MBP: variants seen among roughly 807,000 people sequenced by gnomAD.
MBP encodes the protein myelin basic protein.
In MBP, 16 loss-of-function variants were observed where a neutral mutation model predicts 35.8. That is an observed-to-expected ratio of 0.45 (90% confidence interval 0.30 to 0.68). The LOEUF is 0.68. MBP is among the 30% of genes least tolerant of loss of function. The probability of loss-of-function intolerance (pLI) is 0.08; values close to 1 mark genes in which losing one functional copy is unlikely to be tolerated. For missense variants in MBP, 380 were observed against 404.7 expected, an observed-to-expected ratio of 0.94 and a Z score of 0.52; for synonymous variants, 143 against 159.6, an observed-to-expected ratio of 0.90 and a Z score of 0.78.
Position 77,020,655 on chromosome 18 carries a change from G to A in MBP, c.140-3387C>T, listed in dbSNP as rs1265420682. Reference sequence around the variant, plus strand: ...CTTCCCAGGGCTTTACTCGGGGCTGGTCTCATAGGCTGCCTCGCTTGGTGC... The same window carrying A: ...CTTCCCAGGGCTTTACTCGGGGCTGATCTCATAGGCTGCCTCGCTTGGTGC... On this transcript the variant is annotated intron_variant, in intron 3 of 8. Transcript: ENST00000355994. The surrounding 1 kb of genome is among the most constrained non-coding windows in gnomAD (Gnocchi z 4.1). 2.0e-5 allele frequency among the ~76,000 whole-genome samples: 3 copies of A among 152,222 alleles called. No homozygotes were observed. The highest frequency in any genetic ancestry group is 1.9e-4 in the East Asian group (1 of 5,198).
intron 2 of MBP, among the ~76,000 whole-genome samples, chr18:77,080,391 C>A (rs1349429039): frequency 6.6e-6 from 1 of 152,240 alleles, no homozygotes; most frequent in African/African-American, 2.4e-5. Context: ...CACTGGGCTC[C>A]TCACCTGGGG....
intron 2 of MBP, among the ~76,000 whole-genome samples, chr18:77,096,060 C>G (rs1449619281): frequency 6.6e-6 from 1 of 152,214 alleles, no homozygotes; most frequent in Non-Finnish European, 1.5e-5. Flanking sequence ...AATACCCTGA[C>G]AATCTCTTGC....
At chr18:77,073,233 A>T (rs562332529) in intron 2 of MBP, among the ~76,000 whole-genome samples, 2 of 152,156 alleles carry the variant, frequency 1.3e-5, no homozygotes, top group South Asian at 2.1e-4. Context: ...TATATATATA[A>T]AAAGACTAGA....
intron 1 of MBP, among the ~76,000 whole-genome samples, chr18:77,118,668 T>C (rs867983033): frequency 1.4e-3 from 87 of 63,094 alleles, no homozygotes; most frequent in African/African-American, 3.4e-3. Flanking sequence ...ACACACTACA[T>C]ACCACACACA....
intron 1 of MBP, among the ~76,000 whole-genome samples, chr18:77,128,521 C>CCA (rs56770189): frequency 0.054 from 7,985 of 147,348 alleles, 227 homozygotes; most frequent in South Asian, 0.096. Flanking sequence ...CACGTGCATA[C>CCA]CACACACACA....
chr18:77,060,337 G>GA (rs1439689421), intron 3 of MBP, among the ~76,000 whole-genome samples: 1 of 151,492 alleles, frequency 6.6e-6, no homozygotes, highest in Non-Finnish European at 1.5e-5. Context: ...AGAGGCACAT[G>GA]AAAAATGCTA....
intron 1 of MBP, among the ~76,000 whole-genome samples, chr18:77,130,229 G>T (rs1015787692): frequency 2.6e-5 from 4 of 152,032 alleles, no homozygotes; most frequent in African/African-American, 9.7e-5. Flanking sequence ...CATCATTGGG[G>T]TGGAATTTTA....
chr18:77,018,748 T>TCATCCATC lies in MBP; in HGVS notation c.140-1488_140-1481dup, dbSNP rs141460752. ...TCCATCCACCCCTCCATCTATCCAC[T>TCATCCATC]CATCCATCCATCCATCCATCCATCC... On this transcript the variant is annotated intron_variant, in intron 3 of 8. Coordinates refer to ENST00000355994, the MANE Select transcript of MBP (RefSeq NM_001025101.2). 1.5e-3 allele frequency among the ~76,000 whole-genome samples: 144 copies of TCATCCATC among 95,666 alleles called. 3 individuals carry two copies. The highest frequency in any genetic ancestry group is 0.011 in the South Asian group (27 of 2,454). 62.8% of individuals were successfully genotyped at this position (95,666 alleles called of 152,430 possible). A position where few individuals can be genotyped will look rare whatever the true frequency, so the allele number is the denominator to read the frequency against.
chr18:77,048,243 G>A (rs931339532), intron 3 of MBP, among the ~76,000 whole-genome samples: 1 of 152,206 alleles, frequency 6.6e-6, no homozygotes, highest in African/African-American at 2.4e-5. Context: ...GAGGACCTTG[G>A]GCTTCCAGCC....
In MBP at chr18:76,988,591, A is replaced by G; in HGVS notation, c.718-64T>C. On this transcript the variant is annotated intron_variant, in intron 6 of 8. Transcript: ENST00000355994. The surrounding 1 kb of genome is among the most constrained non-coding windows in gnomAD (Gnocchi z 5.2). The stretch of plus-strand genomic sequence containing the variant: ...AGTGAAGGGAAAGTCCTTTCAATCA[A>G]CAGGAAACACAGTCAAAGCACAGTG... 1 of 1,570,782 alleles carries G rather than the reference A, an allele frequency of 6.4e-7. No homozygotes were observed. Among genetic ancestry groups the G allele is most frequent in the Admixed American group, 1.8e-5 (1 of 56,408 alleles).
chr18:77,109,899 T>C (rs1976394560), intron 1 of MBP: 1 of 152,262 alleles, frequency 6.6e-6, no homozygotes, highest in East Asian at 1.9e-4. Flanking sequence ...CTTAGGATTC[T>C]TTGGACGTTG....
At chr18:77,046,268 T>C (rs1213779477) in intron 3 of MBP, among the ~76,000 whole-genome samples, 1 of 152,222 alleles carries the variant, frequency 6.6e-6, no homozygotes, top group East Asian at 1.9e-4. Flanking sequence ...TTCTAGAACA[T>C]TCTCAGGCAC....
chr18:77,067,298 G>A (rs562077163), intron 2 of MBP, among the ~76,000 whole-genome samples: 1 of 152,244 alleles, frequency 6.6e-6, no homozygotes, highest in East Asian at 1.9e-4. Context: ...AATGACACAT[G>A]GGTATTCTTT....
chr18:77,021,574 C>T (rs922555302), intron 3 of MBP, among the ~76,000 whole-genome samples: 3 of 151,570 alleles, frequency 2.0e-5, no homozygotes, highest in African/African-American at 7.3e-5. Flanking sequence ...ACCTCCGCCT[C>T]CCGGGTTCAC....
In MBP at chr18:77,013,662, T is replaced by C. The variant is rs981907397; in HGVS notation, c.576+3170A>G. 7 of 985,276 alleles carry C rather than the reference T, an allele frequency of 7.1e-6. No homozygotes were observed. In the African/African-American group the frequency reaches 1.0e-4, roughly 15 times the overall value. 61.0% of individuals were successfully genotyped at this position (985,276 alleles called of 1,614,324 possible). ...AACACTGAGAAGAGCAGGTTATAAATGAAGGTTTTCACATAAAACAGAAAA... is the reference window on the plus strand; with the variant it reads ...AACACTGAGAAGAGCAGGTTATAAACGAAGGTTTTCACATAAAACAGAAAA... On this transcript the variant is annotated intron_variant, in intron 4 of 8. Coordinates refer to ENST00000355994, the MANE Select transcript of MBP (RefSeq NM_001025101.2).
intron 3 of MBP, among the ~76,000 whole-genome samples, chr18:77,052,503 C>CAGTT (rs1973530068): frequency 6.6e-6 from 1 of 152,230 alleles, no homozygotes; most frequent in Admixed American, 6.5e-5. Context: ...GGGAAGCTTT[C>CAGTT]AGTTGTCCCA....
chr18:77,116,798 G>A (rs1334594923), intron 1 of MBP, among the ~76,000 whole-genome samples: 1 of 152,088 alleles, frequency 6.6e-6, no homozygotes, highest in African/African-American at 2.4e-5. Flanking sequence ...GGCAGAGGTT[G>A]CACTGAGGCA....
chr18:77,014,909 A>G (rs1971543533), intron 4 of MBP: 1 of 982,548 alleles, frequency 1.0e-6, no homozygotes, highest in Admixed American at 6.1e-5. Context: ...AAATTCCTAA[A>G]GCAATCATGT....
At chr18:77,025,951 CCTT>C (rs1420114880) in intron 3 of MBP, among the ~76,000 whole-genome samples, 83 of 152,210 alleles carry the variant, frequency 5.5e-4, no homozygotes, top group African/African-American at 2.0e-3. Flanking sequence ...GAAAAACCGT[CCTT>C]CTCCCCATGC....
Sources: gnomAD v4.1 joint callset for allele counts (sites outside exome capture counted in the v4.1 genomes callset) on GRCh38, gnomAD v4.1.1 for gene constraint, Gnocchi (gnomAD v3.1) non-coding constraint, MANE v1.5 for transcripts, NCBI Gene and HGNC (gene_info 2026-07-23, HGNC 2026-07-21) for gene names.